CADPS: variants seen among roughly 807,000 people sequenced by gnomAD.
The protein encoded by CADPS is calcium dependent secretion activator.
A neutral mutation model predicts 167.3 loss-of-function variants in CADPS; 57 were observed. That is an observed-to-expected ratio of 0.34 (90% CI 0.28 to 0.42). The LOEUF (loss-of-function observed/expected upper bound fraction) is 0.42. Among genes scored for constraint, CADPS ranks in the 20% least tolerant of loss-of-function variants. CADPS has a pLI of 1.00. For missense variants in CADPS, 1,414 were observed against 1,738.1 expected (o/e 0.81, Z 3.32); for synonymous variants, 676 against 635.3 (o/e 1.06, Z -0.96).
chr3:62,492,556 G>C (rs2063925224), intron 19 of CADPS, 110 bp from the exon 20 acceptor site: 1 of 1,056,876 alleles, frequency 9.5e-7, no homozygotes, highest in Non-Finnish European at 1.4e-6. Flanking sequence ...GCATCCAGCA[G>C]GGTTTGGTAA....
chr3:62,776,451 A>G (rs1044030030), intron 1 of CADPS, among the ~76,000 whole-genome samples: 9 of 152,172 alleles, frequency 5.9e-5, no homozygotes, highest in Middle Eastern at 3.2e-3. Context: ...TCAGGAGATC[A>G]AGACCATCCT....
chr3:62,525,591 T>G (rs565193839), intron 13 of CADPS, among the ~76,000 whole-genome samples: 1 of 149,442 alleles, frequency 6.7e-6, no homozygotes, highest in South Asian at 2.1e-4. Context: ...ATGCAGAGGT[T>G]AGTAAAACAG....
At chr3:62,746,569 C>T (rs971874504) in intron 3 of CADPS, among the ~76,000 whole-genome samples, 6 of 152,132 alleles carry the variant, frequency 3.9e-5, no homozygotes, top group African/African-American at 1.4e-4. Context: ...AACTTCTGGC[C>T]TCAAGCAATC....
At position 62,493,656 on chromosome 3, in the gene CADPS, C is replaced by G; in HGVS notation, c.2716G>C (p.Asp906His). The G allele has an allele frequency of 3.9e-6, 6 of 1,555,762 alleles. No homozygotes were observed. The highest frequency in any genetic ancestry group is 4.4e-6 in the Non-Finnish European group (5 of 1,148,420). Reference sequence around the variant, plus strand: ...TTCACTTTACTTACTTCTCCTTTATCAACATGTGGCTGGTTTGCAAATTAA... The same window carrying G: ...TTCACTTTACTTACTTCTCCTTTATGAACATGTGGCTGGTTTGCAAATTAA... The part of the protein sequence containing the change: ...NEEHHAEPHV[D>H]KGEAFAWWSD... Residue 906 changes from aspartate (D) to histidine (H), a missense_variant, in exon 19 of 30, where the codon GAT becomes CAT. Transcript: ENST00000383710.
intron 13 of CADPS, chr3:62,530,715 T>C (rs2151950625): frequency 1.6e-6 from 2 of 1,289,238 alleles, no homozygotes; most frequent in South Asian, 2.5e-5. Context: ...TCCTTTTTGG[T>C]ATCTTTTTTA....
intron 3 of CADPS, among the ~76,000 whole-genome samples, chr3:62,711,136 T>C (rs1280222997): frequency 1.3e-5 from 2 of 152,224 alleles, no homozygotes; most frequent in African/African-American, 2.4e-5. Context: ...TTAAAATGCA[T>C]AAAATATATG....
intron 1 of CADPS, among the ~76,000 whole-genome samples, chr3:62,843,561 A>G (rs542597349): frequency 2.0e-5 from 3 of 152,122 alleles, no homozygotes; most frequent in East Asian, 1.9e-4. Context: ...GGAAAGCAGC[A>G]TAACGTTGGA....
chr3:62,668,563 T>C (rs1398098), intron 3 of CADPS, among the ~76,000 whole-genome samples: 125,811 of 152,158 alleles, frequency 0.83, 52,199 homozygotes, highest in South Asian at 0.89. Context: ...CTCTGCTCTG[T>C]TCTCCAGATT....
chr3:62,547,597 C>CG (rs993689144), intron 11 of CADPS, among the ~76,000 whole-genome samples: 2 of 118,648 alleles, frequency 1.7e-5, no homozygotes, highest in Non-Finnish European at 3.6e-5. Context: ...CCCCCCCCCC[C>CG]CCGCAAATTC....
intron 26 of CADPS, among the ~76,000 whole-genome samples, chr3:62,463,044 G>T (rs944133932): frequency 2.0e-5 from 3 of 152,182 alleles, no homozygotes; most frequent in African/African-American, 7.2e-5. Context: ...GCACCGAAGT[G>T]TTCTGCATTA....
chr3:62,744,763 A>G (rs1455601627), intron 3 of CADPS, among the ~76,000 whole-genome samples: 1 of 152,266 alleles, frequency 6.6e-6, no homozygotes, highest in Non-Finnish European at 1.5e-5. Flanking sequence ...GCAACAAAGG[A>G]AAGAGATTGC....
chr3:62,584,129 T>A lies in CADPS; in HGVS notation c.1577+1056A>T, dbSNP rs563720509. Among the ~76,000 whole-genome samples the A allele has an allele frequency of 1.3e-3, 205 of 151,924 alleles. 1 individual carries two copies. The highest frequency in any genetic ancestry group is 4.2e-3 in the African/African-American group (176 of 41,418). ...AAGTGATTCTCCAGCCTCAGCCTCC[T>A]GAATAGCTAGGATTACAGGTGCCCA... On this transcript the variant is annotated intron_variant, in intron 8 of 29. Coordinates refer to ENST00000383710, the MANE Select transcript of CADPS (RefSeq NM_003716.4).
chr3:62,580,335 G>C (rs1032713451), intron 8 of CADPS, among the ~76,000 whole-genome samples: 1 of 151,888 alleles, frequency 6.6e-6, no homozygotes, highest in African/African-American at 2.4e-5. Flanking sequence ...CTATCGCAAG[G>C]ACAAAAAACC....
chr3:62,698,558 C>T (rs1489908994), intron 3 of CADPS, among the ~76,000 whole-genome samples: 2 of 151,982 alleles, frequency 1.3e-5, no homozygotes, highest in African/African-American at 4.8e-5. Context: ...GTCTTTTGCC[C>T]TGTGGGACCT....
chr3:62,687,354 C>A (rs2078238206), intron 3 of CADPS, among the ~76,000 whole-genome samples: 1 of 151,996 alleles, frequency 6.6e-6, no homozygotes, highest in African/African-American at 2.4e-5. Flanking sequence ...GTGAAACAGT[C>A]CCAAATGGGG....
chr3:62,707,353 C>T (rs560124477), intron 3 of CADPS, among the ~76,000 whole-genome samples: 55 of 152,256 alleles, frequency 3.6e-4, no homozygotes, highest in African/African-American at 8.4e-4. Context: ...AAAACATTGT[C>T]TTCCACAAAA....
chr3:62,868,518 G>C lies in CADPS; in HGVS notation c.441+6071C>G, dbSNP rs184881043. Among the ~76,000 whole-genome samples the C allele has an allele frequency of 2.7e-3, 412 of 152,144 alleles. 2 individuals carry two copies. The highest frequency in any genetic ancestry group is 5.7e-3 in the Admixed American group (87 of 15,270). ...AGCCAGAAATCCAGATTTTTTATGT[G>C]AAATATTTTGATAGTTTTAAATGTT... On this transcript the variant is annotated intron_variant, in intron 1 of 29. Coordinates refer to ENST00000383710, the MANE Select transcript of CADPS (RefSeq NM_003716.4).
intron 6 of CADPS, among the ~76,000 whole-genome samples, chr3:62,599,802 A>AT (rs1256054571): frequency 6.1e-4 from 19 of 31,028 alleles, no homozygotes; most frequent in African/African-American, 1.4e-3. Context: ...TATATAATAT[A>AT]TAATAAATAA....
At chr3:62,492,993 C>G (rs2063999343) in intron 19 of CADPS, among the ~76,000 whole-genome samples, 2 of 152,154 alleles carry the variant, frequency 1.3e-5, no homozygotes, top group Admixed American at 1.3e-4. Flanking sequence ...ACCATTGTTG[C>G]AATTGTCACA....
Sources: gnomAD v4.1 joint callset for allele counts (sites outside exome capture counted in the v4.1 genomes callset) on GRCh38, gnomAD v4.1.1 for gene constraint, MANE v1.5 for transcripts, NCBI Gene and HGNC (gene_info 2026-07-23, HGNC 2026-07-21) for gene names.